The following COL23A1 variants were observed in gnomAD, a reference collection of about 807,000 sequenced individuals.
COL23A1 encodes the protein collagen alpha-1(XXIII) chain.
A neutral mutation model predicts 99.3 loss-of-function variants in COL23A1; 97 were observed. The ratio of observed to expected loss-of-function variants is 0.98; its 90% CI spans 0.83 to 1.16. The LOEUF is 1.16. Among genes scored for constraint, COL23A1 ranks in the 50% most tolerant of loss-of-function variants. The probability of loss-of-function intolerance (pLI) is 0.00; values close to 1 mark genes in which losing one functional copy is unlikely to be tolerated. For missense variants in COL23A1, 762 were observed against 757.4 expected, an observed-to-expected ratio of 1.01 and a Z score of -0.07; for synonymous variants, 320 against 308.2, an observed-to-expected ratio of 1.04 and a Z score of -0.40.
intron 11 of COL23A1, among the ~76,000 whole-genome samples, chr5:178,260,529 T>G (rs1765570805): frequency 6.6e-6 from 1 of 152,176 alleles, no homozygotes; most frequent in South Asian, 2.1e-4. Flanking sequence ...GCACGGTGGC[T>G]CATGCCTGTA....
intron 2 of COL23A1, among the ~76,000 whole-genome samples, chr5:178,333,743 G>C (rs1333367095): frequency 6.6e-6 from 1 of 152,176 alleles, no homozygotes; most frequent in East Asian, 1.9e-4. Context: ...GCCTGTGACT[G>C]GCCCCCTGAG....
intron 2 of COL23A1, among the ~76,000 whole-genome samples, chr5:178,328,589 T>TAA (rs1759830668): frequency 6.6e-6 from 1 of 152,206 alleles, no homozygotes. Flanking sequence ...TGGCTGAGTA[T>TAA]AAAGTAAGGC....
intron 25 of COL23A1, among the ~76,000 whole-genome samples, chr5:178,244,339 C>T (rs1764562822): frequency 6.6e-6 from 1 of 152,136 alleles, no homozygotes; most frequent in Non-Finnish European, 1.5e-5. Flanking sequence ...TCCTTGCAGC[C>T]CTGCATCTGG....
intron 2 of COL23A1, among the ~76,000 whole-genome samples, chr5:178,430,317 T>G (rs1329655960): frequency 1.3e-5 from 2 of 152,192 alleles, no homozygotes; most frequent in Non-Finnish European, 2.9e-5. Context: ...CTCTGCCCAC[T>G]GGAATTCTGC....
intron 2 of COL23A1, among the ~76,000 whole-genome samples, chr5:178,504,872 A>G (rs1371069431): frequency 2.0e-5 from 3 of 152,208 alleles, no homozygotes; most frequent in Admixed American, 2.0e-4. Context: ...CGAGTTTTAC[A>G]TGAGATCTGT....
intron 2 of COL23A1, among the ~76,000 whole-genome samples, chr5:178,491,251 CGT>C (rs1390187488): frequency 1.3e-5 from 2 of 152,084 alleles, no homozygotes; most frequent in African/African-American, 2.4e-5. Context: ...CCCTCATCCT[CGT>C]GGCCATCTCC....
In COL23A1 at chr5:178,468,752, A is replaced by G. The variant is rs61693781; in HGVS notation, c.361+91930T>C. ...TTCAAATTAAAAAAAGTATTGTGGT[A>G]AAATATGCATAACATACAATTTCCC... On this transcript the variant is annotated intron_variant, in intron 2 of 28. Transcript: ENST00000390654. The surrounding 1 kb of genome is among the most constrained non-coding windows in gnomAD (Gnocchi z 4.2). Among the ~76,000 whole-genome samples, 16,800 of 152,268 alleles carry G rather than the reference A, an allele frequency of 0.11. 2,185 individuals carry two copies. Among genetic ancestry groups the G allele is most frequent in the East Asian group, 0.51 (2,647 of 5,162 alleles).
chr5:178,264,677 CAG>C (rs1271008440), intron 8 of COL23A1, among the ~76,000 whole-genome samples: 16 of 152,158 alleles, frequency 1.1e-4, no homozygotes, highest in South Asian at 2.1e-4. Context: ...TTTTTTGAGA[CAG>C]AGTCTTTTGC....
chr5:178,537,432 G>A (rs556194212), intron 2 of COL23A1, among the ~76,000 whole-genome samples: 5 of 152,338 alleles, frequency 3.3e-5, no homozygotes, highest in South Asian at 2.1e-4. Flanking sequence ...AAGGGCAAGC[G>A]ATATTTCCTG....
chr5:178,253,536 G>A (rs1215276699), intron 16 of COL23A1, among the ~76,000 whole-genome samples: 2 of 151,908 alleles, frequency 1.3e-5, no homozygotes, highest in Non-Finnish European at 2.9e-5. Context: ...AGCCTGGAGT[G>A]CAGAGGTGCG....
Position 178,365,250 on chromosome 5 carries a change from C to T in COL23A1, c.362-58331G>A, listed in dbSNP as rs11744281. Among the ~76,000 whole-genome samples, 18,238 of 151,690 alleles carry T rather than the reference C, an allele frequency of 0.12. 1,069 individuals are homozygous for T. Among genetic ancestry groups the T allele is most frequent in the Middle Eastern group, 0.15 (45 of 294 alleles). On this transcript the variant is annotated intron_variant, in intron 2 of 28. Coordinates refer to ENST00000390654, the MANE Select transcript of COL23A1 (RefSeq NM_173465.4). This position sits in a 1 kb window ranked among gnomAD's most constrained non-coding sequence, Gnocchi z 5.2. ...GGTCCAGCCCCAGCGCACAGGAAAC[C>T]CTGCTCAGGCAGATGGTGTGGGAGA...
chr5:178,296,419 A>G (rs1254250686), intron 3 of COL23A1, among the ~76,000 whole-genome samples: 3 of 152,184 alleles, frequency 2.0e-5, no homozygotes, highest in Non-Finnish European at 4.4e-5. Context: ...AAAGGCTACC[A>G]TGCCCAGGGT....
At chr5:178,479,609 A>C (rs1481084229) in intron 2 of COL23A1, among the ~76,000 whole-genome samples, 1 of 152,188 alleles carries the variant, frequency 6.6e-6, no homozygotes, top group African/African-American at 2.4e-5. Flanking sequence ...GAGATGATAC[A>C]TGTTAGGGAC....
At chr5:178,329,901 C>T (rs1481173774) in intron 2 of COL23A1, among the ~76,000 whole-genome samples, 4 of 150,454 alleles carry the variant, frequency 2.7e-5, no homozygotes, top group African/African-American at 2.5e-5. Flanking sequence ...TGCGCCACTG[C>T]ACTCCAGCGT....
At position 178,366,907 on chromosome 5, in the gene COL23A1, G is replaced by A. The variant is rs1355319661; in HGVS notation, c.362-59988C>T. Among the ~76,000 whole-genome samples the A allele has an allele frequency of 1.3e-5, 2 of 152,156 alleles. No homozygotes were observed. Among genetic ancestry groups the A allele is most frequent in the Non-Finnish European group, 2.9e-5 (2 of 68,034 alleles). On this transcript the variant is annotated intron_variant, in intron 2 of 28. Transcript: ENST00000390654. The surrounding 1 kb of genome is among the most constrained non-coding windows in gnomAD (Gnocchi z 4.4). ...CTTGGCATGAGTGGCTGGCTTGCTC[G>A]CCTTCCTGGCCACACCAGATGGGCT...
chr5:178,304,446 G>A (rs1241184928), intron 3 of COL23A1, among the ~76,000 whole-genome samples: 1 of 149,818 alleles, frequency 6.7e-6, no homozygotes, highest in African/African-American at 2.5e-5. Flanking sequence ...GGAAGCAGAG[G>A]CTGCTGTGAG....
intron 15 of COL23A1, chr5:178,256,009 C>G (rs2127544060): frequency 8.2e-6 from 2 of 244,642 alleles, no homozygotes; most frequent in South Asian, 5.2e-5. Flanking sequence ...AAGGCCTGGC[C>G]CACTGTGGCA....
At chr5:178,537,749 G>C (rs1167722985) in intron 2 of COL23A1, among the ~76,000 whole-genome samples, 1 of 152,214 alleles carries the variant, frequency 6.6e-6, no homozygotes, top group East Asian at 1.9e-4. Flanking sequence ...ACGTTTACGT[G>C]GTGAAACGTG....
intron 4 of COL23A1, among the ~76,000 whole-genome samples, chr5:178,289,695 C>T (rs1449703621): frequency 6.6e-6 from 1 of 152,200 alleles, no homozygotes; most frequent in Non-Finnish European, 1.5e-5. Context: ...CGTCAACTGT[C>T]ACGGAGCATT....
Sources: gnomAD v4.1 joint callset for allele counts (sites outside exome capture counted in the v4.1 genomes callset) on GRCh38, gnomAD v4.1.1 for gene constraint, Gnocchi (gnomAD v3.1) non-coding constraint, MANE v1.5 for transcripts, NCBI Gene and HGNC (gene_info 2026-07-23, HGNC 2026-07-21) for gene names.